SLC2A9: variants seen among roughly 807,000 people sequenced by gnomAD.
The protein encoded by SLC2A9 is solute carrier family 2, facilitated glucose transporter member 9.
SLC2A9 carries 39 observed loss-of-function variants against 50.6 expected under a neutral mutation model. The ratio of observed to expected loss-of-function variants is 0.77; its 90% CI spans 0.60 to 1.01. The LOEUF is 1.01. Among genes scored for constraint, SLC2A9 ranks in the 50% least tolerant of loss-of-function variants. The pLI is 0.00. For missense variants in SLC2A9, 686 were observed against 677.6 expected (o/e 1.01, Z -0.14); for synonymous variants, 324 against 276.9 (o/e 1.17, Z -1.69).
chr4:9,975,647 G>A (rs190755921), intron 5 of SLC2A9, among the ~76,000 whole-genome samples: 2 of 151,404 alleles, frequency 1.3e-5, no homozygotes, highest in East Asian at 3.9e-4. Context: ...CTTATGCACT[G>A]TTGGTGGGAA....
At chr4:9,925,789 C>CG (rs1186905630) in intron 6 of SLC2A9, among the ~76,000 whole-genome samples, 2 of 152,038 alleles carry the variant, frequency 1.3e-5, no homozygotes, top group East Asian at 3.9e-4. Context: ...AACACAGAAG[C>CG]GGGGGAGGGC....
rs376679695 is a variant in SLC2A9 at position 9,882,988 on chromosome 4, T to C, written c.1291+4579A>G. Among the ~76,000 whole-genome samples, 32 of 152,316 alleles carry C rather than the reference T, an allele frequency of 2.1e-4. No homozygotes were observed. In the South Asian group the frequency reaches 6.6e-3, roughly 32 times the overall value. ...GCTAGCTTGCTGGAAAATGTCAGTG[T>C]TAGCTGAAAAATTATCTGAATATAA... On this transcript the variant is annotated intron_variant, in intron 10 of 11. Coordinates refer to ENST00000264784, the MANE Select transcript of SLC2A9 (RefSeq NM_020041.3).
intron 3 of SLC2A9, among the ~76,000 whole-genome samples, chr4:9,803,402 T>A (rs1721721731): frequency 6.6e-6 from 1 of 152,256 alleles, no homozygotes; most frequent in African/African-American, 2.4e-5. Context: ...ATGAATTATT[T>A]ATTTAAATCC....
At chr4:9,851,145 C>T (rs566856176) in intron 10 of SLC2A9, among the ~76,000 whole-genome samples, 3 of 152,218 alleles carry the variant, frequency 2.0e-5, no homozygotes, top group East Asian at 3.9e-4. Flanking sequence ...ATCCCACTGC[C>T]GAAGTGCTTT....
intron 6 of SLC2A9, among the ~76,000 whole-genome samples, chr4:9,932,427 C>T (rs374813662): frequency 6.6e-6 from 1 of 152,158 alleles, no homozygotes; most frequent in East Asian, 1.9e-4. Context: ...TTTTCATTCT[C>T]ATGGAGGGGA....
chr4:9,791,604 A>T (rs1345175381), intron 3 of SLC2A9, among the ~76,000 whole-genome samples: 1 of 152,166 alleles, frequency 6.6e-6, no homozygotes, highest in African/African-American at 2.4e-5. Context: ...GTTCTGATAG[A>T]AGCCAGCAGT....
intron 1 of SLC2A9, among the ~76,000 whole-genome samples, chr4:10,028,617 C>T (rs1316420024): frequency 6.6e-6 from 1 of 152,224 alleles, no homozygotes. Context: ...AAATTGTAGA[C>T]TTTTAATATC....
chr4:9,882,251 C>T (rs997160417), intron 10 of SLC2A9, among the ~76,000 whole-genome samples: 1 of 152,124 alleles, frequency 6.6e-6, no homozygotes, highest in South Asian at 2.1e-4. Context: ...GGAGCCCCCT[C>T]CCCTTATCCT....
downstream of SLC2A9, among the ~76,000 whole-genome samples, chr4:9,825,374 G>C (rs973470654): frequency 6.6e-6 from 1 of 152,188 alleles, no homozygotes; most frequent in Non-Finnish European, 1.5e-5. Context: ...TAATCACCCA[G>C]TCTTCCCTTG....
chr4:9,801,236 A>G (rs1050494486), intron 3 of SLC2A9, among the ~76,000 whole-genome samples: 3 of 152,128 alleles, frequency 2.0e-5, no homozygotes, highest in Admixed American at 6.5e-5. Flanking sequence ...ACCATCTCTC[A>G]GCCTCGCTAC....
intron 3 of SLC2A9, among the ~76,000 whole-genome samples, chr4:9,789,983 T>C (rs927056586): frequency 8.5e-5 from 13 of 152,224 alleles, no homozygotes; most frequent in African/African-American, 3.1e-4. Context: ...GTGCTTTGTA[T>C]ACATCTTCTC....
chr4:9,876,877 C>A (rs911159339), intron 10 of SLC2A9, among the ~76,000 whole-genome samples: 2 of 152,172 alleles, frequency 1.3e-5, no homozygotes, highest in Admixed American at 1.3e-4. Context: ...GTGTCCTGAG[C>A]AATGGCTACT....
Position 9,854,178 on chromosome 4 carries a change from C to T in SLC2A9, c.1292-19170G>A, listed in dbSNP as rs147530507. 3.0e-3 allele frequency among the ~76,000 whole-genome samples: 463 copies of T among 151,976 alleles called. 6 individuals are homozygous for T. Among genetic ancestry groups the T allele is most frequent in the African/African-American group, 0.011 (450 of 41,466 alleles). ...AATTGAGACACACACACAAAAAATA[C>T]AAAATATCAATGAATTCAAGAGTTG... On this transcript the variant is annotated intron_variant, in intron 10 of 11. Transcript: ENST00000264784.
intron 6 of SLC2A9, among the ~76,000 whole-genome samples, chr4:9,938,326 C>A (rs972914952): frequency 7.1e-6 from 1 of 140,676 alleles, no homozygotes; most frequent in Non-Finnish European, 1.5e-5. Flanking sequence ...GGCTGGAGTG[C>A]AGTGGTGTGA....
intron 10 of SLC2A9, chr4:9,880,615 TGA>T: frequency 3.1e-6 from 3 of 969,402 alleles, no homozygotes; most frequent in South Asian, 9.5e-5. Context: ...GATATGCAGA[TGA>T]GTCCAATCTG....
chr4:9,991,470 A>C (rs1467894153), intron 3 of SLC2A9, among the ~76,000 whole-genome samples: 2 of 152,144 alleles, frequency 1.3e-5, no homozygotes, highest in Non-Finnish European at 2.9e-5. Flanking sequence ...TTGGAAGGAG[A>C]ATTTCCATCA....
chr4:10,028,316 G>A (rs1044019233), intron 1 of SLC2A9, among the ~76,000 whole-genome samples: 1 of 152,220 alleles, frequency 6.6e-6, no homozygotes, highest in Non-Finnish European at 1.5e-5. Context: ...TGCAGCACTC[G>A]AGGTCCCCTC....
At position 9,897,158 on chromosome 4, in the gene SLC2A9, C is replaced by T. The variant is rs79359309; in HGVS notation, c.1114-6447G>A. Among the ~76,000 whole-genome samples the T allele has an allele frequency of 4.9e-3, 746 of 152,276 alleles. 5 individuals are homozygous for T. Among genetic ancestry groups the T allele is most frequent in the African/African-American group, 0.017 (713 of 41,536 alleles). On this transcript the variant is annotated intron_variant, in intron 8 of 11. Transcript: ENST00000264784. ...GGCACTCCGGCTCCAGAGTCTTGCT[C>T]TTAACCTTTGTGTTCTACTTCCTCT... is the stretch of plus-strand genomic sequence containing the variant.
At chr4:9,845,523 G>A (rs1467316550) in intron 10 of SLC2A9, among the ~76,000 whole-genome samples, 2 of 141,948 alleles carry the variant, frequency 1.4e-5, no homozygotes, top group South Asian at 2.2e-4. Flanking sequence ...TCCGCCTCCC[G>A]GGTTCACGCC....
Sources: gnomAD v4.1 joint callset for allele counts (sites outside exome capture counted in the v4.1 genomes callset) on GRCh38, gnomAD v4.1.1 for gene constraint, MANE v1.5 for transcripts, NCBI Gene and HGNC (gene_info 2026-07-23, HGNC 2026-07-21) for gene names.